The following RABGAP1L variants were observed in gnomAD, a reference collection of about 807,000 sequenced individuals.
RABGAP1L encodes the protein RAB GTPase activating protein 1 like.
Under a neutral mutation model 137.7 loss-of-function variants are expected in RABGAP1L, and 63 were observed. The observed-to-expected ratio is 0.46, with a 90% CI of 0.37 to 0.56. The LOEUF (loss-of-function observed/expected upper bound fraction) is 0.56. Among genes scored for constraint, RABGAP1L ranks in the 20% least tolerant of loss-of-function variants. The pLI, the probability that RABGAP1L is intolerant of heterozygous loss-of-function variation, is 0.00. For synonymous variants in RABGAP1L, 431 were observed against 433.7 expected (o/e 0.99, Z 0.08); for missense variants, 1,095 against 1,244.0 (o/e 0.88, Z 1.80).
At chr1:174,245,095 G>A (rs1400602333) in intron 5 of RABGAP1L, 1 of 152,174 alleles carries the variant, frequency 6.6e-6, no homozygotes, top group Non-Finnish European at 1.5e-5. Context: ...TCTTTGAGAT[G>A]GAGTTTCACT....
chr1:174,556,661 C>G (rs1224731994), intron 13 of RABGAP1L, among the ~76,000 whole-genome samples: 2 of 152,160 alleles, frequency 1.3e-5, no homozygotes, highest in Non-Finnish European at 2.9e-5. Flanking sequence ...CTTTTCTTTC[C>G]TGGGTCTTGA....
At chr1:174,674,505 G>A (rs1044856865) in intron 14 of RABGAP1L, among the ~76,000 whole-genome samples, 16 of 151,040 alleles carry the variant, frequency 1.1e-4, no homozygotes, top group African/African-American at 3.6e-4. Context: ...CATTTGGGTT[G>A]GTTCCAAGTC....
rs1311067728 is a variant in RABGAP1L, at chr1:174,946,936, A to ATGTGTG, written c.2341-10520_2341-10519insGTGTGT. Among the ~76,000 whole-genome samples, 91 of 65,054 alleles carry ATGTGTG rather than the reference A, an allele frequency of 1.4e-3. 1 individual carries two copies. The highest frequency in any genetic ancestry group is 5.8e-3 in the African/African-American group (72 of 12,308). The allele number at this position is 65,054 out of a possible 152,430, so 42.7% of individuals were successfully genotyped here. The stretch of plus-strand genomic sequence containing the variant: ...AAAAAAAATATATATATATATATAT[A>ATGTGTG]TATATGTGTGTGTGTGTGTGTGTGT... On this transcript the variant is annotated intron_variant, in intron 19 of 25. Coordinates refer to ENST00000681986, the MANE Select transcript of RABGAP1L (RefSeq NM_001366446.1).
chr1:174,795,902 TG>T (rs1040819666), intron 18 of RABGAP1L, among the ~76,000 whole-genome samples: 3 of 152,198 alleles, frequency 2.0e-5, no homozygotes, highest in African/African-American at 7.2e-5. Context: ...ACCACTCCTT[TG>T]AGTTAGTCAT....
At chr1:174,259,273 T>C (rs940645110) in intron 7 of RABGAP1L, among the ~76,000 whole-genome samples, 8 of 152,164 alleles carry the variant, frequency 5.3e-5, no homozygotes, top group African/African-American at 1.9e-4. Context: ...CTATAGTGCT[T>C]GGAATACAGA....
chr1:174,363,693 T>G (rs1348202698), intron 11 of RABGAP1L, among the ~76,000 whole-genome samples: 1 of 152,150 alleles, frequency 6.6e-6, no homozygotes, highest in East Asian at 1.9e-4. Context: ...CTGTCATATT[T>G]GGCTTTTGTT....
At chr1:174,834,942 A>T (rs1200255910) in intron 19 of RABGAP1L, among the ~76,000 whole-genome samples, 2 of 152,196 alleles carry the variant, frequency 1.3e-5, no homozygotes, top group Non-Finnish European at 2.9e-5. Flanking sequence ...TTTGAATTGT[A>T]TCCTGCAAAT....
At chr1:174,478,254 T>C (rs1340936827) in intron 13 of RABGAP1L, among the ~76,000 whole-genome samples, 4 of 151,902 alleles carry the variant, frequency 2.6e-5, no homozygotes, top group African/African-American at 7.3e-5. Flanking sequence ...TTGTTGTTGT[T>C]GTTATTTGTT....
intron 13 of RABGAP1L, among the ~76,000 whole-genome samples, chr1:174,590,423 A>G (rs1669523266): frequency 1.6e-5 from 2 of 121,336 alleles, no homozygotes; most frequent in Non-Finnish European, 3.3e-5. Context: ...ATATGTATAC[A>G]TGTGCCATGC....
rs989283364 is a variant in RABGAP1L, at chr1:174,295,490, T to G, written c.1324-9496T>G. 2.6e-5 allele frequency among the ~76,000 whole-genome samples: 4 copies of G among 151,918 alleles called. No homozygotes were observed. In the South Asian group the frequency reaches 6.2e-4, roughly 24 times the overall value. On this transcript the variant is annotated intron_variant, in intron 10 of 25. Coordinates refer to ENST00000681986, the MANE Select transcript of RABGAP1L (RefSeq NM_001366446.1). ...CCTCCTCCTCATGGGTTCAAGCGAT[T>G]CTCTTGCCTCAGCCTCCCAGCAGCT... is the stretch of plus-strand genomic sequence containing the variant.
At chr1:174,795,692 G>T (rs1335454235) in intron 18 of RABGAP1L, among the ~76,000 whole-genome samples, 2 of 152,082 alleles carry the variant, frequency 1.3e-5, no homozygotes, top group African/African-American at 2.4e-5. Flanking sequence ...CAGCCTCCTG[G>T]TTAGCTCAGA....
chr1:174,597,011 T>A (rs1669993254), intron 13 of RABGAP1L, among the ~76,000 whole-genome samples: 1 of 152,166 alleles, frequency 6.6e-6, no homozygotes, highest in Admixed American at 6.5e-5. Context: ...TTATATGATG[T>A]TTATATTGAT....
At chr1:174,190,315 A>G (rs1667124586) in intron 1 of RABGAP1L, among the ~76,000 whole-genome samples, 1 of 151,632 alleles carries the variant, frequency 6.6e-6, no homozygotes, top group Non-Finnish European at 1.5e-5. Flanking sequence ...AAAAAAAAAA[A>G]AAAAGAAAGA....
intron 11 of RABGAP1L, among the ~76,000 whole-genome samples, chr1:174,366,735 A>T (rs1684652641): frequency 7.0e-6 from 1 of 142,024 alleles, no homozygotes; most frequent in Non-Finnish European, 1.5e-5. Flanking sequence ...AGATGGTGCC[A>T]CTGCACTCCA....
chr1:174,641,711 C>T (rs952208173), intron 14 of RABGAP1L, among the ~76,000 whole-genome samples: 2 of 152,090 alleles, frequency 1.3e-5, no homozygotes, highest in African/African-American at 4.8e-5. Context: ...AAATCTGGTT[C>T]TGGTTTTGAT....
At chr1:174,895,984 T>C (rs1467889663) in intron 19 of RABGAP1L, among the ~76,000 whole-genome samples, 1 of 152,218 alleles carries the variant, frequency 6.6e-6, no homozygotes. Context: ...GGTCAAATGG[T>C]ATTTCTAGTT....
Position 174,249,730 on chromosome 1 carries a change from C to A in RABGAP1L, c.718-745C>A, listed in dbSNP as rs577461886. ...GTGCAATGGCTCACTGCAACCTCCA[C>A]CTGCCAGGTTCAAGCAATTCTCCTG... On this transcript the variant is annotated intron_variant, in intron 5 of 25. Transcript: ENST00000681986. Among the ~76,000 whole-genome samples the A allele has an allele frequency of 3.4e-4, 52 of 151,772 alleles. 1 individual carries two copies. The highest frequency in any genetic ancestry group is 3.0e-3 in the Admixed American group (45 of 15,232).
At chr1:174,484,012 A>G (rs1205469553) in intron 13 of RABGAP1L, among the ~76,000 whole-genome samples, 1 of 152,142 alleles carries the variant, frequency 6.6e-6, no homozygotes, top group Non-Finnish European at 1.5e-5. Context: ...GTACTAATTT[A>G]TATTTCCACC....
chr1:174,602,546 C>T (rs1449248685), intron 13 of RABGAP1L, among the ~76,000 whole-genome samples: 3 of 152,326 alleles, frequency 2.0e-5, no homozygotes, highest in Admixed American at 2.0e-4. Flanking sequence ...AATGGGGACA[C>T]AGTCAGACTA....
Sources: allele counts gnomAD v4.1 joint callset (sites outside exome capture counted in the v4.1 genomes callset), GRCh38; gene constraint gnomAD v4.1.1; transcripts MANE v1.5; gene names NCBI Gene and HGNC (gene_info 2026-07-23, HGNC 2026-07-21).